Variants in GRIA3 observed in about 807,000 individuals in gnomAD.
GRIA3 encodes the protein glutamate receptor 3.
In GRIA3, 3 loss-of-function variants were observed where a neutral mutation model predicts 63.0. The observed-to-expected ratio is 0.05, with a 90% CI of 0.02 to 0.12. The LOEUF is 0.12. GRIA3 is among the 10% of genes least tolerant of loss of function. The probability of loss-of-function intolerance (pLI) is 1.00; values close to 1 mark genes in which losing one functional copy is unlikely to be tolerated. For missense variants in GRIA3, 347 were observed against 700.9 expected (o/e 0.50, Z 5.70); for synonymous variants, 274 against 257.9 (o/e 1.06, Z -0.60).
chrX:123,476,303 A>T (rs751406712), intron 13 of GRIA3, among the ~76,000 whole-genome samples: 1 of 111,613 alleles, frequency 9.0e-6, no homozygotes, highest in East Asian at 2.8e-4. Context: ...AGAAAATGAC[A>T]TTCAAAATGA....
intron 2 of GRIA3, among the ~76,000 whole-genome samples, chrX:123,239,382 C>A (rs773666397): frequency 1.5e-4 from 17 of 110,492 alleles, no homozygotes; most frequent in Non-Finnish European, 2.3e-4. Flanking sequence ...GAAATACTGA[C>A]CGCATGTTTC....
chrX:123,454,275 G>A (rs1162218061), intron 12 of GRIA3, among the ~76,000 whole-genome samples: 1 of 110,846 alleles, frequency 9.0e-6, no homozygotes, highest in East Asian at 2.8e-4. Context: ...CCAGCTGTGT[G>A]GCATTAAGCA....
chrX:123,411,576 T>G (rs917885975), intron 10 of GRIA3, among the ~76,000 whole-genome samples: 2 of 111,387 alleles, frequency 1.8e-5, no homozygotes, highest in Non-Finnish European at 3.8e-5. Flanking sequence ...CATTTACAAC[T>G]TTGGCAACCC....
intron 2 of GRIA3, among the ~76,000 whole-genome samples, chrX:123,223,572 A>C (rs1603034010): frequency 8.9e-6 from 1 of 112,402 alleles, no homozygotes; most frequent in Admixed American, 9.4e-5. Flanking sequence ...TAGGGCTGCT[A>C]GAAGGCCCTC....
intron 2 of GRIA3, chrX:123,204,473 C>A: frequency 8.6e-7 from 1 of 1,161,278 alleles, no homozygotes; most frequent in South Asian, 1.9e-5. Context: ...GAGTTCTCAA[C>A]TGAGTGAGCA....
At chrX:123,463,977 A>C (rs1392868174) in intron 12 of GRIA3, among the ~76,000 whole-genome samples, 1 of 111,442 alleles carries the variant, frequency 9.0e-6, no homozygotes, top group East Asian at 2.8e-4. Context: ...GACAGACATT[A>C]CCAACTACAA....
intron 5 of GRIA3, among the ~76,000 whole-genome samples, chrX:123,386,514 A>T (rs911885266): frequency 2.7e-5 from 3 of 111,334 alleles, no homozygotes; most frequent in African/African-American, 9.8e-5. Flanking sequence ...TTGAAGTCTT[A>T]GCCATAAAAT....
At chrX:123,305,474 T>C (rs1161405197) in intron 3 of GRIA3, among the ~76,000 whole-genome samples, 1 of 112,722 alleles carries the variant, frequency 8.9e-6, no homozygotes, top group Admixed American at 9.4e-5. Context: ...ATACTTCTTA[T>C]ACCAAAAATA....
At chrX:123,290,268 G>T (rs1353721236) in intron 3 of GRIA3, among the ~76,000 whole-genome samples, 2 of 111,873 alleles carry the variant, frequency 1.8e-5, no homozygotes, top group Non-Finnish European at 3.8e-5. Flanking sequence ...TCTTTCACCT[G>T]CTTTACCAGC....
chrX:123,368,453 T>TC (rs1486200335), intron 5 of GRIA3, among the ~76,000 whole-genome samples: 3 of 111,238 alleles, frequency 2.7e-5, no homozygotes, highest in Non-Finnish European at 5.7e-5. Context: ...TAATGCTGTT[T>TC]CATTCAATTT....
intron 5 of GRIA3, among the ~76,000 whole-genome samples, chrX:123,392,095 T>C (rs1404415476): frequency 1.8e-5 from 2 of 112,362 alleles, no homozygotes; most frequent in African/African-American, 6.5e-5. Flanking sequence ...GAAGTGGCTG[T>C]GCTGCAGCCC....
At chrX:123,333,794 G>C (rs759074757) in intron 4 of GRIA3, among the ~76,000 whole-genome samples, 1 of 110,889 alleles carries the variant, frequency 9.0e-6, no homozygotes, top group East Asian at 2.8e-4. Flanking sequence ...CTAATGGCGA[G>C]CTTCCAGAGT....
intron 6 of GRIA3, among the ~76,000 whole-genome samples, chrX:123,396,879 T>C (rs1451154687): frequency 8.9e-6 from 1 of 112,331 alleles, no homozygotes; most frequent in Non-Finnish European, 1.9e-5. Context: ...TTATGATCTT[T>C]AGATTTACCA....
chrX:123,464,743 G>T, intron 12 of GRIA3, 122 bp from the exon 13 acceptor site: 1 of 597,370 alleles, frequency 1.7e-6, no homozygotes, highest in Non-Finnish European at 2.8e-6. Flanking sequence ...GTGCCTACTA[G>T]GTTGCAGTGT....
intron 5 of GRIA3, among the ~76,000 whole-genome samples, chrX:123,370,776 A>G (rs868119642): frequency 1.7e-4 from 18 of 107,985 alleles, no homozygotes; most frequent in African/African-American, 4.3e-4. Flanking sequence ...GTATATATAT[A>G]TGTGTCATAT....
chrX:123,412,023 T>C (rs763060107), intron 10 of GRIA3, among the ~76,000 whole-genome samples: 1 of 111,602 alleles, frequency 9.0e-6, no homozygotes, highest in Non-Finnish European at 1.9e-5. Flanking sequence ...CCACTCTCTC[T>C]CCCAGCCTAC....
At chrX:123,302,593 T>C (rs1216182911) in intron 3 of GRIA3, among the ~76,000 whole-genome samples, 1 of 111,235 alleles carries the variant, frequency 9.0e-6, no homozygotes, top group Non-Finnish European at 1.9e-5. Flanking sequence ...CCTCACAGGG[T>C]TACCAGGAAT....
intron 3 of GRIA3, among the ~76,000 whole-genome samples, chrX:123,268,115 T>C (rs1371537521): frequency 1.8e-5 from 2 of 111,647 alleles, no homozygotes; most frequent in Middle Eastern, 4.2e-3. Context: ...AAATCAACAA[T>C]AAACATCATA....
intron 5 of GRIA3, among the ~76,000 whole-genome samples, chrX:123,358,957 G>C (rs1381525350): frequency 9.0e-6 from 1 of 111,160 alleles, no homozygotes; most frequent in African/African-American, 3.3e-5. Flanking sequence ...GAGGCAGTGT[G>C]GTATAATAAT....
Sources: allele counts gnomAD v4.1 joint callset (sites outside exome capture counted in the v4.1 genomes callset), GRCh38; gene constraint gnomAD v4.1.1; transcripts MANE v1.5; gene names NCBI Gene and HGNC (gene_info 2026-07-23, HGNC 2026-07-21).